LAMTOR4: variants seen among roughly 807,000 people sequenced by gnomAD.
LAMTOR4 encodes late endosomal/lysosomal adaptor, MAPK and MTOR activator 4.
LAMTOR4 carries 11 observed loss-of-function variants against 13.5 expected under a neutral mutation model. The ratio of observed to expected loss-of-function variants is 0.82; its 90% confidence interval spans 0.51 to 1.35. The LOEUF is 1.35. Among genes scored for constraint, LAMTOR4 ranks in the 40% most tolerant of loss-of-function variants. The pLI is 0.00. For synonymous variants in LAMTOR4, 69 were observed against 52.3 expected (o/e 1.32, Z -1.38); for missense variants, 128 against 126.2 (o/e 1.01, Z -0.07).
intron 1 of LAMTOR4, 106 bp downstream of exon 1, chr7:100,149,081 T>G: frequency 6.5e-6 from 9 of 1,392,744 alleles, no homozygotes; most frequent in Non-Finnish European, 8.8e-6. Flanking sequence ...CCTCACCTCC[T>G]ATCCGCTCGG....
chr7:100,149,621 C>T (rs756278070), intron 2 of LAMTOR4, 42 bp downstream of exon 2: 1 of 1,424,186 alleles, frequency 7.0e-7, no homozygotes, highest in East Asian at 2.3e-5. Context: ...GTGCACACAG[C>T]CCGGTAACCC....
intron 2 of LAMTOR4, 112 bp from the exon 3 acceptor site, chr7:100,153,288 C>T: frequency 1.3e-6 from 1 of 759,814 alleles, no homozygotes; most frequent in Non-Finnish European, 2.2e-6. Context: ...AGGGTACTGG[C>T]AAGCCAAGGG....
chr7:100,149,500 C>T lies in LAMTOR4; in HGVS notation c.5C>T (p.Thr2Ile). Reference sequence around the variant, plus strand: ...ACGACTTGCATCTTTACCCACTAGACTTCTGCGCTGACCCAGGGGCTGGAG... The same window carrying T: ...ACGACTTGCATCTTTACCCACTAGATTTCTGCGCTGACCCAGGGGCTGGAG... M[T>I]SALTQGLERI... Residue 2 changes from threonine (T) to isoleucine (I), a missense_variant and splice_region_variant, in exon 2 of 4, where the codon ACT (threonine) becomes ATT (isoleucine). Thr to Ile is a moderately conservative substitution (Grantham distance 89). Transcript: ENST00000341942. The T allele has an allele frequency of 1.2e-6, 2 of 1,611,668 alleles. No individual in the cohort carries two copies. Among genetic ancestry groups the T allele is most frequent in the Non-Finnish European group, 1.7e-6 (2 of 1,177,814 alleles).
At chr7:100,149,826 A>G (rs1239572191) in intron 2 of LAMTOR4, 7 of 377,794 alleles carry the variant, frequency 1.9e-5, no homozygotes, top group African/African-American at 1.0e-4. Context: ...CCCAAGCTGG[A>G]GTGCAGTGGT....
intron 1 of LAMTOR4, 58 bp downstream of exon 1, chr7:100,149,033 A>G: frequency 5.0e-6 from 8 of 1,586,898 alleles, no homozygotes; most frequent in Non-Finnish European, 6.8e-6. Context: ...TCTGCTCCCC[A>G]GTCTGTGTGG....
At position 100,153,498 on chromosome 7, in the gene LAMTOR4, G is replaced by A; in HGVS notation, c.183G>A (p.Val61=). ...TCCGGCTGCACCGCGGCATGAATGTGCCCTTCAAGCGCCTGTCTGGTGAGC... is the reference window on the plus strand; with the variant it reads ...TCCGGCTGCACCGCGGCATGAATGTACCCTTCAAGCGCCTGTCTGGTGAGC... ...CGFRLHRGMN[V]PFKRLSVVFG... Residue 61 remains valine (V), a synonymous_variant, in exon 3 of 4, where the codon GTG becomes GTA. Coordinates refer to ENST00000341942, the MANE Select transcript of LAMTOR4 (RefSeq NM_001008395.4). 2 of 1,607,660 alleles carry A rather than the reference G, an allele frequency of 1.2e-6. No individual in the cohort carries two copies. The highest frequency in any genetic ancestry group is 1.7e-6 in the Non-Finnish European group (2 of 1,179,960).
intron 2 of LAMTOR4, among the ~76,000 whole-genome samples, chr7:100,153,188 G>T (rs751189380): frequency 1.3e-5 from 2 of 151,954 alleles, no homozygotes; most frequent in Non-Finnish European, 2.9e-5. Flanking sequence ...CTGCTCATCC[G>T]GGGAAGGCCA....
chr7:100,149,755 G>T (rs7785392), intron 2 of LAMTOR4, 176 bp downstream of exon 2: 286,328 of 525,304 alleles, frequency 0.55, 78,961 homozygotes, highest in Middle Eastern at 0.61. Context: ...TGGAATCTTA[G>T]TCTCCTAACG....
Position 100,154,112 on chromosome 7 carries a change from G to A in LAMTOR4, c.*148G>A, listed in dbSNP as rs1022583375. On this transcript the variant is annotated 3_prime_UTR_variant, in exon 4 of 4. Coordinates refer to ENST00000341942, the MANE Select transcript of LAMTOR4 (RefSeq NM_001008395.4). Reference sequence around the variant, plus strand: ...CCCTACCTGGACGGGCCCAGGCTTGGGGACTCTGAGCTGTGTTAAGGAGAA... The same window carrying A: ...CCCTACCTGGACGGGCCCAGGCTTGAGGACTCTGAGCTGTGTTAAGGAGAA... 9.2e-6 allele frequency: 6 copies of A among 654,928 alleles called. No individual in the cohort carries two copies. In the African/African-American group the frequency reaches 1.1e-4, roughly 12 times the overall value. The allele number at this position is 654,928 out of a possible 1,614,324, so 40.6% of individuals were successfully genotyped here.
rs77772525 is a variant in LAMTOR4 at position 100,150,371 on chromosome 7, G to A, written c.84+792G>A. Among the ~76,000 whole-genome samples, 135 of 152,298 alleles carry A rather than the reference G, an allele frequency of 8.9e-4. 2 individuals are homozygous for A. The East Asian group carries it at 0.024, about 27-fold the overall frequency. On this transcript the variant is annotated intron_variant, in intron 2 of 3. Coordinates refer to ENST00000341942, the MANE Select transcript of LAMTOR4 (RefSeq NM_001008395.4). ...GTTATGACAAGGTAACTAACTTTCC[G>A]GGAGGTAGGAATTCAGCCCACCTTA...
intron 2 of LAMTOR4, 40 bp from the exon 3 acceptor site, chr7:100,153,360 C>T (rs776309693): frequency 4.4e-5 from 62 of 1,395,204 alleles, no homozygotes; most frequent in Middle Eastern, 1.9e-4. Context: ...TGAGCCTGTG[C>T]CGTAATGCCC....
chr7:100,153,409 G>T lies in LAMTOR4; in HGVS notation c.94G>T (p.Asp32Tyr). 1 of 1,610,378 alleles carries T rather than the reference G, an allele frequency of 6.2e-7. No individual in the cohort carries two copies. Reference sequence around the variant, plus strand: ...CTCCGTCTGCATGCAGTCATCTGGGGACCTGGAGAATGATGAGCAGGCAGC... The same window carrying T: ...CTCCGTCTGCATGCAGTCATCTGGGTACCTGGAGAATGATGAGCAGGCAGC... ...SEGAVLASSG[D>Y]LENDEQAASA... The change falls in exon 3 of 4, where the codon GAC becomes TAC. Residue 32 changes from aspartate to tyrosine, a missense_variant. Asp to Tyr is a radical substitution (Grantham distance 160). Coordinates refer to ENST00000341942, the MANE Select transcript of LAMTOR4 (RefSeq NM_001008395.4).
At position 100,153,442 on chromosome 7, in the gene LAMTOR4, A is replaced by G. The variant is rs1003686002; in HGVS notation, c.127A>G (p.Ile43Val). The change falls in exon 3 of 4, where the codon ATC (isoleucine) becomes GTC (valine). Residue 43 changes from isoleucine to valine, a missense_variant. Physicochemically the swap from Ile to Val is conservative, Grantham distance 29. Transcript: ENST00000341942. ...LENDEQAASA[I>V]SELVSTACGF... ...GAATGATGAGCAGGCAGCCAGTGCC[A>G]TCTCTGAGCTGGTCAGCACAGCCTG... The G allele has an allele frequency of 1.2e-6, 2 of 1,611,406 alleles. No individual in the cohort carries two copies. Among genetic ancestry groups the G allele is most frequent in the Non-Finnish European group, 1.7e-6 (2 of 1,179,962 alleles).
Position 100,154,031 on chromosome 7 carries a change from C to A in LAMTOR4, c.*67C>A. On this transcript the variant is annotated 3_prime_UTR_variant, in exon 4 of 4. Coordinates refer to ENST00000341942, the MANE Select transcript of LAMTOR4 (RefSeq NM_001008395.4). ...GGGCCTCTGTGATGAGGCAGGCACA[C>A]CTGTCGGTCTTGGCTTGCTGCTAGA... 1 of 1,242,942 alleles carries A rather than the reference C, an allele frequency of 8.0e-7. No homozygotes were observed. The highest frequency in any genetic ancestry group is 1.2e-6 in the Non-Finnish European group (1 of 866,430). The allele number at this position is 1,242,942 out of a possible 1,614,324, so 77.0% of individuals were successfully genotyped here.
chr7:100,153,429 G>C lies in LAMTOR4; in HGVS notation c.114G>C (p.Gln38His). 6.2e-7 allele frequency: 1 copy of C among 1,611,284 alleles called. No individual in the cohort carries two copies. Among genetic ancestry groups the C allele is most frequent in the East Asian group, 2.2e-5 (1 of 44,884 alleles). The part of the protein sequence containing the change: ...ASSGDLENDE[Q>H]AASAISELVS... ...CTGGGGACCTGGAGAATGATGAGCA[G>C]GCAGCCAGTGCCATCTCTGAGCTGG... Residue 38 changes from glutamine to histidine, a missense_variant, in exon 3 of 4, where the codon CAG becomes CAC. By Grantham distance (24) the Gln-to-His change is conservative (BLOSUM62 0). Coordinates refer to ENST00000341942, the MANE Select transcript of LAMTOR4 (RefSeq NM_001008395.4).
At chr7:100,149,301 G>T (rs901646750) in intron 1 of LAMTOR4, 198 bp from the exon 2 acceptor site, 39 of 626,794 alleles carry the variant, frequency 6.2e-5, no homozygotes, top group Non-Finnish European at 9.9e-5. Flanking sequence ...GCCCGGGGGC[G>T]AGAGTGGGGG....
chr7:100,151,059 G>GT (rs1798683264), intron 2 of LAMTOR4, among the ~76,000 whole-genome samples: 1 of 151,690 alleles, frequency 6.6e-6, no homozygotes, highest in African/African-American at 2.4e-5. Context: ...GGAGAGAAGA[G>GT]TTTTGTTTTT....
At chr7:100,153,845 G>A (rs1798799130) in intron 3 of LAMTOR4, 22 bp from the exon 4 acceptor site, 1 of 1,518,198 alleles carries the variant, frequency 6.6e-7, no homozygotes, top group Non-Finnish European at 9.0e-7. Flanking sequence ...CTGGGGCGGG[G>A]GAAGGTGTGT....
intron 2 of LAMTOR4, among the ~76,000 whole-genome samples, chr7:100,151,544 A>G (rs1407924039): frequency 2.0e-5 from 3 of 150,884 alleles, no homozygotes; most frequent in Non-Finnish European, 4.4e-5. Flanking sequence ...GCCCGCCACC[A>G]TGCCCGGCTA....
Sources: allele counts gnomAD v4.1 joint callset (sites outside exome capture counted in the v4.1 genomes callset), GRCh38; gene constraint gnomAD v4.1.1; transcripts MANE v1.5; gene names NCBI Gene and HGNC (gene_info 2026-07-23, HGNC 2026-07-21).